ZNF43: variants seen among roughly 807,000 people sequenced by gnomAD.
ZNF43 encodes zinc finger protein 43.
Under a neutral mutation model 68.4 loss-of-function variants are expected in ZNF43, and 44 were observed. The ratio of observed to expected loss-of-function variants is 0.64; its 90% CI spans 0.51 to 0.83. ZNF43 has a LOEUF of 0.83. Among genes scored for constraint, ZNF43 ranks in the 40% least tolerant of loss-of-function variants. ZNF43 has a pLI of 0.00. For synonymous variants in ZNF43, 308 were observed against 307.8 expected (o/e 1.00, Z -0.01); for missense variants, 896 against 933.2 (o/e 0.96, Z 0.52).
chr19:21,847,624 G>A (rs982417985), intron 1 of ZNF43, among the ~76,000 whole-genome samples: 1 of 151,954 alleles, frequency 6.6e-6, no homozygotes, highest in Non-Finnish European at 1.5e-5. Context: ...TTGAACCTGG[G>A]AGGCGGAGGT....
chr19:21,834,748 G>A (rs2038608737), intron 1 of ZNF43, among the ~76,000 whole-genome samples: 1 of 149,208 alleles, frequency 6.7e-6, no homozygotes, highest in Admixed American at 6.7e-5. Flanking sequence ...GCGAGAGGAA[G>A]GATGGAAGCA....
chr19:21,828,922 A>G (rs973673090), intron 1 of ZNF43, among the ~76,000 whole-genome samples: 1 of 149,084 alleles, frequency 6.7e-6, no homozygotes, highest in Non-Finnish European at 1.5e-5. Context: ...ACTCCCAGCT[A>G]CTTGGGAGGC....
intron 1 of ZNF43, chr19:21,826,898 T>A (rs915573192): frequency 6.6e-6 from 1 of 152,444 alleles, no homozygotes; most frequent in Non-Finnish European, 1.5e-5. Flanking sequence ...CCGAGAGTTT[T>A]CATCGTGCAT....
At chr19:21,818,051 G>GGGAGAATA in intron 2 of ZNF43, 65 bp from the exon 3 acceptor site, 1 of 1,493,282 alleles carries the variant, frequency 6.7e-7, no homozygotes, top group Non-Finnish European at 9.3e-7. Context: ...ACCTAGTAAT[G>GGGAGAATA]TGTCCAGTAT....
intron 1 of ZNF43, among the ~76,000 whole-genome samples, chr19:21,835,833 G>C (rs998954412): frequency 2.0e-5 from 3 of 152,246 alleles, no homozygotes; most frequent in African/African-American, 7.2e-5. Context: ...GAGGGCTGCA[G>C]GCCGGGACAC....
At chr19:21,852,062 A>G in exon 1 of ZNF43, 3 of 1,031,274 alleles carry the variant, frequency 2.9e-6, no homozygotes, top group Non-Finnish European at 4.1e-6. Context: ...CGGGAGCTGG[A>G]GACAAAGGCC....
At chr19:21,820,927 A>AGGTTCAAGC (rs959735163) in intron 1 of ZNF43, among the ~76,000 whole-genome samples, 4 of 145,170 alleles carry the variant, frequency 2.8e-5, no homozygotes, top group African/African-American at 1.0e-4. Flanking sequence ...TCTGCCTCCC[A>AGGTTCAAGC]GGTTCAAGCA....
At chr19:21,839,705 A>G (rs1967381703), upstream of ZNF43, 1 of 152,188 alleles carries the variant, frequency 6.6e-6, no homozygotes, top group African/African-American at 2.4e-5. Context: ...AATCTCTCCT[A>G]TAGGGAAAAG....
At chr19:21,846,547 C>A (rs1967966837) in intron 1 of ZNF43, among the ~76,000 whole-genome samples, 1 of 152,086 alleles carries the variant, frequency 6.6e-6, no homozygotes, top group Non-Finnish European at 1.5e-5. Context: ...ATGGTCCAGG[C>A]AGGAAACTCA....
chr19:21,850,671 A>G (rs1968287680), intron 1 of ZNF43, among the ~76,000 whole-genome samples: 1 of 152,212 alleles, frequency 6.6e-6, no homozygotes, highest in Non-Finnish European at 1.5e-5. Flanking sequence ...TAAGGAAAAA[A>G]GGAGAGTCAC....
intron 2 of ZNF43, 81 bp from the exon 3 acceptor site, chr19:21,818,067 G>C: frequency 7.2e-7 from 1 of 1,383,956 alleles, no homozygotes; most frequent in Non-Finnish European, 9.9e-7. Flanking sequence ...AGTATGAAGG[G>C]TGTGATAGAA....
chr19:21,829,059 A>C (rs990337408), intron 1 of ZNF43, among the ~76,000 whole-genome samples: 39 of 144,056 alleles, frequency 2.7e-4, no homozygotes, highest in Middle Eastern at 3.6e-3. Flanking sequence ...AAAAAAAAAA[A>C]AAAAAATTAG....
chr19:21,849,444 C>T (rs1354379757), intron 1 of ZNF43, among the ~76,000 whole-genome samples: 4 of 142,504 alleles, frequency 2.8e-5, no homozygotes, highest in East Asian at 2.1e-4. Context: ...GCCAAGATCT[C>T]GCCATTGTAC....
intron 1 of ZNF43, among the ~76,000 whole-genome samples, chr19:21,830,685 A>G (rs1352067700): frequency 6.6e-6 from 1 of 151,922 alleles, no homozygotes; most frequent in Admixed American, 6.6e-5. Context: ...ATGTACAAAA[A>G]AAAAAAAGCT....
In ZNF43 at chr19:21,809,126, T is replaced by A. The variant is rs748028937; in HGVS notation, c.911A>T (p.His304Leu). Reference sequence around the variant, plus strand: ...TTTCTCTCCAGGATGAATTTTCTTATGTTCAGTAAGGTTTGAGGATTGGTT... The same window carrying A: ...TTTCTCTCCAGGATGAATTTTCTTAAGTTCAGTAAGGTTTGAGGATTGGTT... ...AFNQSSNLTE[H>L]KKIHPGEKPY... Residue 304 changes from histidine to leucine, a missense_variant, in exon 4 of 4, where the codon CAT (histidine) becomes CTT (leucine). By Grantham distance (99) the His-to-Leu change is moderately conservative. Transcript: ENST00000354959. 6.2e-7 allele frequency: 1 copy of A among 1,613,668 alleles called. No homozygotes were observed.
Position 21,809,065 on chromosome 19 carries a change from G to C in ZNF43, c.972C>G (p.Asn324Lys), listed in dbSNP as rs1486092875. 21 of 1,612,304 alleles carry C rather than the reference G, an allele frequency of 1.3e-5. No homozygotes were observed. Among genetic ancestry groups the C allele is most frequent in the Non-Finnish European group, 1.8e-5 (21 of 1,179,548 alleles). Reference sequence around the variant, plus strand: ...TATGTTTAGTAAGAGTTGAGGGCCAGTTAAAGGCTTTGCCACATTCTTCAC... The same window carrying C: ...TATGTTTAGTAAGAGTTGAGGGCCACTTAAAGGCTTTGCCACATTCTTCAC... ...YKCEECGKAFNWPSTLTKHKR... is the reference protein window; with the variant it reads ...YKCEECGKAFKWPSTLTKHKR... The change falls in exon 4 of 4, where the codon AAC becomes AAG. Residue 324 changes from asparagine (N) to lysine (K), a missense_variant. Physicochemically the swap from Asn to Lys is moderately conservative, Grantham distance 94 (BLOSUM62 0). Coordinates refer to ENST00000354959, the MANE Select transcript of ZNF43 (RefSeq NM_003423.4).
Position 21,836,139 on chromosome 19 carries a change from G to A in ZNF43, c.-101C>T. The stretch of plus-strand genomic sequence containing the variant: ...TGGACCTCTAGCAGCAGAGGACACA[G>A]AAGAACGAAGACGAGACGCAGAGCT... On this transcript the variant is annotated 5_prime_UTR_variant, in exon 1 of 4. Coordinates refer to ENST00000354959, the MANE Select transcript of ZNF43 (RefSeq NM_003423.4). 30 of 1,590,366 alleles carry A rather than the reference G, an allele frequency of 1.9e-5. No homozygotes were observed. Among genetic ancestry groups the A allele is most frequent in the Non-Finnish European group, 2.5e-5 (29 of 1,167,928 alleles).
chr19:21,850,831 C>T (rs1326158891), intron 1 of ZNF43: 1 of 152,226 alleles, frequency 6.6e-6, no homozygotes, highest in Non-Finnish European at 1.5e-5. Flanking sequence ...AAAAAAGTCA[C>T]ATCTTCAAGG....
chr19:21,828,173 T>C (rs777154101), intron 1 of ZNF43, among the ~76,000 whole-genome samples: 3 of 152,236 alleles, frequency 2.0e-5, no homozygotes, highest in Non-Finnish European at 4.4e-5. Context: ...AATATCTAAG[T>C]ATAACCAACT....
Sources: gnomAD v4.1 joint callset for allele counts (sites outside exome capture counted in the v4.1 genomes callset) on GRCh38, gnomAD v4.1.1 for gene constraint, MANE v1.5 for transcripts, NCBI Gene and HGNC (gene_info 2026-07-23, HGNC 2026-07-21) for gene names.